Variants in MEGF6 observed in about 807,000 individuals in gnomAD.
The protein encoded by MEGF6 is multiple epidermal growth factor-like domains protein 6.
MEGF6 carries 184 observed loss-of-function variants against 207.1 expected under a neutral mutation model. The ratio of observed to expected loss-of-function variants is 0.89; its 90% CI spans 0.79 to 1.00. MEGF6 has a LOEUF of 1.00. Ranked by LOEUF, MEGF6 falls within the 50% of genes least tolerant of loss-of-function variation. The pLI is 0.00. For synonymous variants in MEGF6, 1,038 were observed against 910.0 expected (o/e 1.14, Z -2.53); for missense variants, 2,282 against 2,202.9 (o/e 1.04, Z -0.72).
rs778283936 is a variant in MEGF6, at chr1:3,524,211, GGCA to G, written c.514_516del (p.Cys172del). On this transcript the variant is annotated inframe_deletion, in exon 5 of 37. Transcript: ENST00000356575. ...CCTGGGGTGTTCACGCACCGGTGCT[GGCA>G]GCCACCGTTGTGGGTTCGGCATTCG... 9 of 1,612,784 alleles carry G rather than the reference GGCA, an allele frequency of 5.6e-6. No individual in the cohort carries two copies. Among genetic ancestry groups the G allele is most frequent in the Non-Finnish European group, 7.6e-6 (9 of 1,179,722 alleles).
In MEGF6 at chr1:3,518,196, G is replaced by A. The variant is rs147314861; in HGVS notation, c.605-2669C>T. On this transcript the variant is annotated intron_variant, in intron 5 of 36. Transcript: ENST00000356575. ...GATAGGGTCTCTGAGAGGGAAGAGG[G>A]TGGGGCCCTGACCAGGTAGGATTCA... Among the ~76,000 whole-genome samples, 4 of 152,324 alleles carry A rather than the reference G, an allele frequency of 2.6e-5. No homozygotes were observed. The East Asian group carries it at 7.7e-4, about 29-fold the overall frequency.
At chr1:3,570,142 A>C (rs148087606) in intron 4 of MEGF6, among the ~76,000 whole-genome samples, 465 of 152,334 alleles carry the variant, frequency 3.1e-3, no homozygotes, top group Non-Finnish European at 5.1e-3. Context: ...TGAGCATAGC[A>C]AGATGGTCGT....
At chr1:3,505,100 G>A (rs917971849) in intron 17 of MEGF6, 108 bp downstream of exon 17, 1 of 1,463,524 alleles carries the variant, frequency 6.8e-7, no homozygotes, top group African/African-American at 1.4e-5. Context: ...AGGCAAAGGG[G>A]GCCGATAGTG....
intron 4 of MEGF6, among the ~76,000 whole-genome samples, chr1:3,545,588 C>T (rs7539964): frequency 1.1e-3 from 171 of 152,228 alleles, no homozygotes; most frequent in Admixed American, 2.2e-3. Flanking sequence ...AGGGGGTTCT[C>T]CTCCCCTCAT....
upstream of MEGF6, among the ~76,000 whole-genome samples, chr1:3,612,020 G>A (rs893199328): frequency 2.0e-5 from 3 of 152,142 alleles, no homozygotes; most frequent in African/African-American, 4.8e-5. Flanking sequence ...CCTGCCCGTG[G>A]ACGCTCCGTC....
intron 3 of MEGF6, among the ~76,000 whole-genome samples, chr1:3,591,809 A>G (rs61762206): frequency 9.4e-5 from 2 of 21,334 alleles, no homozygotes; most frequent in East Asian, 9.6e-4. Flanking sequence ...TGGGGGCACC[A>G]GCGAGGGGGC....
At chr1:3,524,881 T>G (rs1279960664) in intron 4 of MEGF6, among the ~76,000 whole-genome samples, 3 of 151,996 alleles carry the variant, frequency 2.0e-5, no homozygotes, top group Non-Finnish European at 2.9e-5. Flanking sequence ...GAGAGGGCCA[T>G]GTGGAGACCA....
chr1:3,596,016 C>T (rs952947884), intron 2 of MEGF6, among the ~76,000 whole-genome samples: 1 of 152,046 alleles, frequency 6.6e-6, no homozygotes, highest in Admixed American at 6.5e-5. Flanking sequence ...ATGGCCACTG[C>T]CCCCTACACC....
Position 3,560,285 on chromosome 1 carries a change from C to T in MEGF6, c.481+19540G>A, listed in dbSNP as rs140021179. ...CCATTGGAATGACCGCTTGGTACAG[C>T]GGACGAGCCCACGTTGACACATTGT... is the stretch of plus-strand genomic sequence containing the variant. On this transcript the variant is annotated intron_variant, in intron 4 of 36. Transcript: ENST00000356575. This position sits in a 1 kb window ranked among gnomAD's most constrained non-coding sequence, Gnocchi z 4.0. 6.0e-4 allele frequency among the ~76,000 whole-genome samples: 92 copies of T among 152,314 alleles called. No individual in the cohort carries two copies. Among genetic ancestry groups the T allele is most frequent in the African/African-American group, 2.0e-3 (85 of 41,564 alleles).
At chr1:3,546,987 C>T in intron 4 of MEGF6, 1 of 179,264 alleles carries the variant, frequency 5.6e-6, no homozygotes, top group South Asian at 8.4e-5. Flanking sequence ...GTGGGCTGGG[C>T]CATGCCCTAC....
chr1:3,496,893 C>T (rs1029254468), intron 28 of MEGF6, 95 bp downstream of exon 28: 3 of 1,523,284 alleles, frequency 2.0e-6, no homozygotes, highest in Non-Finnish European at 2.7e-6. Context: ...TCTTCCACCC[C>T]CTCAGATGAG....
intron 4 of MEGF6, among the ~76,000 whole-genome samples, chr1:3,567,798 G>T (rs1460939711): frequency 6.6e-6 from 1 of 152,200 alleles, no homozygotes; most frequent in African/African-American, 2.4e-5. Flanking sequence ...CCGGGACCTG[G>T]TGCAGGCAGG....
rs200289941 is a variant in MEGF6 at position 3,492,776 on chromosome 1, C to T, written c.4388-9G>A. 279 of 1,606,416 alleles carry T rather than the reference C, an allele frequency of 1.7e-4. 1 individual carries two copies. The African/African-American group carries it at 2.2e-3, about 13-fold the overall frequency. ...CTGGCCCCTTCTGCAATCTGCAAGG[C>T]GGAGGGGGCGGGAGACAAACCTGAG... On this transcript the variant is annotated splice_polypyrimidine_tract_variant and intron_variant, in intron 34 of 36. Transcript: ENST00000356575.
At chr1:3,523,100 G>A (rs2101189228) in intron 5 of MEGF6, among the ~76,000 whole-genome samples, 1 of 152,148 alleles carries the variant, frequency 6.6e-6, no homozygotes, top group Non-Finnish European at 1.5e-5. Context: ...GGGCTGGCGA[G>A]CTGCTCTGCC....
chr1:3,506,506 C>T (rs533189782), intron 14 of MEGF6, among the ~76,000 whole-genome samples: 1 of 152,182 alleles, frequency 6.6e-6, no homozygotes, highest in Non-Finnish European at 1.5e-5. Context: ...TCACGCCCCA[C>T]TCTCCCCAAA....
In MEGF6 at chr1:3,598,728, C is replaced by CTG. The variant is rs1557808602; in HGVS notation, c.267-3282_267-3281insCA. Among the ~76,000 whole-genome samples, 6 of 139,138 alleles carry CTG rather than the reference C, an allele frequency of 4.3e-5. No individual in the cohort carries two copies. In the South Asian group the frequency reaches 6.9e-4, roughly 16 times the overall value. 91.3% of individuals were successfully genotyped at this position (139,138 alleles called of 152,430 possible). Reference sequence around the variant, plus strand: ...TCATGGTAACGAGCCCCCCCCCCCCCCCCGGGGCCCACTCCTCTGCCTTCT... The same window carrying CTG: ...TCATGGTAACGAGCCCCCCCCCCCCCTGCCCGGGGCCCACTCCTCTGCCTTCT... On this transcript the variant is annotated intron_variant, in intron 2 of 36. Transcript: ENST00000356575.
chr1:3,586,519 T>C (rs548352954), intron 3 of MEGF6, among the ~76,000 whole-genome samples: 21 of 151,908 alleles, frequency 1.4e-4, no homozygotes, highest in African/African-American at 5.1e-4. Flanking sequence ...AGGAGAGACG[T>C]GGGGTGTAGG....
chr1:3,498,032 C>A (rs1180783413), intron 26 of MEGF6, among the ~76,000 whole-genome samples: 1 of 152,252 alleles, frequency 6.6e-6, no homozygotes, highest in South Asian at 2.1e-4. Context: ...CCAGCCAGCA[C>A]AGGCTCCAGG....
intron 4 of MEGF6, among the ~76,000 whole-genome samples, chr1:3,579,112 C>T (rs1032675614): frequency 3.9e-5 from 6 of 152,158 alleles, no homozygotes; most frequent in Non-Finnish European, 7.3e-5. Context: ...GCCATCGGGA[C>T]GGCCGTGGCT....
Sources: gnomAD v4.1 joint callset for allele counts (sites outside exome capture counted in the v4.1 genomes callset) on GRCh38, gnomAD v4.1.1 for gene constraint, Gnocchi (gnomAD v3.1) non-coding constraint, MANE v1.5 for transcripts, NCBI Gene and HGNC (gene_info 2026-07-23, HGNC 2026-07-21) for gene names.